VSIR: variants seen among roughly 807,000 people sequenced by gnomAD.
VSIR encodes V-type immunoglobulin domain-containing suppressor of T-cell activation.
A neutral mutation model predicts 31.0 loss-of-function variants in VSIR; 10 were observed. The observed-to-expected ratio is 0.32, with a 90% confidence interval of 0.20 to 0.55. The LOEUF (loss-of-function observed/expected upper bound fraction) is 0.55, where lower values mean the gene tolerates loss of function less well. Ranked by LOEUF, VSIR falls within the 20% of genes least tolerant of loss-of-function variation. The pLI is 0.93. For missense variants in VSIR, 356 were observed against 416.2 expected (o/e 0.86, Z 1.26); for synonymous variants, 179 against 180.1 (o/e 0.99, Z 0.05).
chr10:71,762,524 C>T (rs1370888831), intron 1 of VSIR, among the ~76,000 whole-genome samples: 3 of 152,254 alleles, frequency 2.0e-5, no homozygotes, highest in Admixed American at 2.0e-4. Flanking sequence ...GGTGCTGCAT[C>T]TCACCTGCAT....
chr10:71,753,478 T>G (rs1399519376), intron 4 of VSIR, among the ~76,000 whole-genome samples: 1 of 152,232 alleles, frequency 6.6e-6, no homozygotes, highest in African/African-American at 2.4e-5. Flanking sequence ...AGAGGGCTCC[T>G]GGTCCTCTCT....
At chr10:71,763,132 T>A (rs920107039) in intron 1 of VSIR, among the ~76,000 whole-genome samples, 3 of 152,188 alleles carry the variant, frequency 2.0e-5, no homozygotes, top group African/African-American at 7.2e-5. Flanking sequence ...TCTGCAGACA[T>A]CTGAGGGATA....
chr10:71,751,251 G>C lies in VSIR; in HGVS notation c.*2C>G, dbSNP rs1477436185. The C allele has an allele frequency of 6.2e-7, 1 of 1,608,488 alleles. No individual in the cohort carries two copies. Among genetic ancestry groups the C allele is most frequent in the Non-Finnish European group, 8.5e-7 (1 of 1,177,128 alleles). On this transcript the variant is annotated 3_prime_UTR_variant, in exon 7 of 7. Transcript: ENST00000394957. This position sits in a 1 kb window ranked among gnomAD's most constrained non-coding sequence, Gnocchi z 4.9. ...ACAACAGCCCACTGTCCCCCAGCTGGGCTAGATGACCTCAAAGTTTGGAGA... is the reference window on the plus strand; with the variant it reads ...ACAACAGCCCACTGTCCCCCAGCTGCGCTAGATGACCTCAAAGTTTGGAGA...
In VSIR at chr10:71,751,011, G is replaced by C; in HGVS notation, c.*242C>G. 2.1e-6 allele frequency: 1 copy of C among 468,452 alleles called. No individual in the cohort carries two copies. Among genetic ancestry groups the C allele is most frequent in the Admixed American group, 3.9e-5 (1 of 25,618 alleles). The allele number at this position is 468,452 out of a possible 1,614,324, so 29.0% of individuals were successfully genotyped here. ...TGGCATCTGTAGCTGGTGAATTTCA[G>C]GTCTCTAGGGGAGAATCTCAGCACC... On this transcript the variant is annotated 3_prime_UTR_variant, in exon 7 of 7. Transcript: ENST00000394957. This position sits in a 1 kb window ranked among gnomAD's most constrained non-coding sequence, Gnocchi z 4.9.
At chr10:71,758,764 ACACCTGTAATCCCAG>A (rs1840213106) in intron 3 of VSIR, among the ~76,000 whole-genome samples, 1 of 152,170 alleles carries the variant, frequency 6.6e-6, no homozygotes, top group Admixed American at 6.5e-5. Flanking sequence ...ATGGTGGCTC[ACACCTGTAATCCCAG>A]CACTTTGGAG....
chr10:71,751,732 C>A lies in VSIR; in HGVS notation c.834G>T (p.Leu278=). ...ACAGGGGGGTGCTGGGCTCCGAAAG[C>A]AGATGCCGCCCAGACTCAGAAGGCT... ...QRQPSESGRH[L]LSEPSTPLSP... Residue 278 remains leucine (L), a synonymous_variant, in exon 6 of 7, where the codon CTG becomes CTT. Coordinates refer to ENST00000394957, the MANE Select transcript of VSIR (RefSeq NM_022153.2). This position sits in a 1 kb window ranked among gnomAD's most constrained non-coding sequence, Gnocchi z 4.9. The A allele has an allele frequency of 6.3e-7, 1 of 1,588,492 alleles. No homozygotes were observed. Among genetic ancestry groups the A allele is most frequent in the Non-Finnish European group, 8.6e-7 (1 of 1,168,578 alleles).
In VSIR at chr10:71,751,970, C is replaced by A; in HGVS notation, c.705-109G>T. 8.4e-7 allele frequency: 1 copy of A among 1,196,934 alleles called. No homozygotes were observed. The highest frequency in any genetic ancestry group is 1.2e-6 in the Non-Finnish European group (1 of 837,280). 74.1% of individuals were successfully genotyped at this position (1,196,934 alleles called of 1,614,324 possible). ...CCTTTCTCTCACCTACATCCCCATCCCCAAGCCTCAGCAGCATCTCCAAGC... is the reference window on the plus strand; with the variant it reads ...CCTTTCTCTCACCTACATCCCCATCACCAAGCCTCAGCAGCATCTCCAAGC... On this transcript the variant is annotated intron_variant, in intron 5 of 6. Transcript: ENST00000394957. The surrounding 1 kb of genome is among the most constrained non-coding windows in gnomAD (Gnocchi z 4.9).
chr10:71,767,935 G>A (rs1435041994), intron 1 of VSIR, among the ~76,000 whole-genome samples: 1 of 152,156 alleles, frequency 6.6e-6, no homozygotes, highest in Non-Finnish European at 1.5e-5. Context: ...GGCCTAGGCA[G>A]CTGGCCAGAG....
intron 1 of VSIR, among the ~76,000 whole-genome samples, chr10:71,765,668 A>G (rs1165438776): frequency 6.6e-6 from 1 of 152,150 alleles, no homozygotes; most frequent in Admixed American, 6.5e-5. Context: ...TCAGAGAGAA[A>G]GCAGAGTTCA....
chr10:71,772,738 T>A lies in VSIR; in HGVS notation c.82+620A>T, dbSNP rs371690093. ...CCACACTGGTCCCTGAGTGGCAGCC[T>A]TGCTAGGATGGCAGGAATCAGCTGA... is the stretch of plus-strand genomic sequence containing the variant. On this transcript the variant is annotated intron_variant, in intron 1 of 6. Transcript: ENST00000394957. 1.1e-3 allele frequency among the ~76,000 whole-genome samples: 169 copies of A among 152,316 alleles called. No individual in the cohort carries two copies. The South Asian group carries it at 0.018, about 16-fold the overall frequency.
intron 1 of VSIR, among the ~76,000 whole-genome samples, chr10:71,767,220 G>A (rs74145648): frequency 0.04 from 6,077 of 152,308 alleles, 290 homozygotes; most frequent in African/African-American, 0.1. Flanking sequence ...AGCAGGCCCC[G>A]GGTGACCCCT....
Position 71,752,871 on chromosome 10 carries a change from C to T in VSIR, c.704+104G>A, listed in dbSNP as rs529157564. ...CAGCAGATGGCAGAGGCTCTTCTGA[C>T]CAGCTGCTCTAGGCAGCTAAACAGG... On this transcript the variant is annotated intron_variant, in intron 5 of 6. Coordinates refer to ENST00000394957, the MANE Select transcript of VSIR (RefSeq NM_022153.2). The T allele has an allele frequency of 3.7e-6, 5 of 1,357,960 alleles. No individual in the cohort carries two copies. The Admixed American group carries it at 7.0e-5, about 19-fold the overall frequency. The allele number at this position is 1,357,960 out of a possible 1,614,324, so 84.1% of individuals were successfully genotyped here.
In VSIR at chr10:71,755,301, G is replaced by A. The variant is rs1427157736; in HGVS notation, c.676+58C>T. On this transcript the variant is annotated intron_variant, in intron 4 of 6. Transcript: ENST00000394957. ...TTTGCGAATCCCAGGGGCTGAACTGGGGGCTGGAGCAGGTCACTCGCACCG... is the reference window on the plus strand; with the variant it reads ...TTTGCGAATCCCAGGGGCTGAACTGAGGGCTGGAGCAGGTCACTCGCACCG... 5 of 1,464,172 alleles carry A rather than the reference G, an allele frequency of 3.4e-6. No individual in the cohort carries two copies. In the South Asian group the frequency reaches 3.6e-5, roughly 11 times the overall value. 90.7% of individuals were successfully genotyped at this position (1,464,172 alleles called of 1,614,324 possible). A position where few individuals can be genotyped will look rare whatever the true frequency, so the allele number is the denominator to read the frequency against.
chr10:71,770,236 T>G (rs1217769036), intron 1 of VSIR, among the ~76,000 whole-genome samples: 1 of 152,188 alleles, frequency 6.6e-6, no homozygotes, highest in East Asian at 1.9e-4. Context: ...AGGAGCCGGG[T>G]GCTGTGTTAA....
chr10:71,751,970 C>T lies in VSIR; in HGVS notation c.705-109G>A. ...CCTTTCTCTCACCTACATCCCCATC[C>T]CCAAGCCTCAGCAGCATCTCCAAGC... On this transcript the variant is annotated intron_variant, in intron 5 of 6. Coordinates refer to ENST00000394957, the MANE Select transcript of VSIR (RefSeq NM_022153.2). The surrounding 1 kb of genome is among the most constrained non-coding windows in gnomAD (Gnocchi z 4.9). 8.4e-7 allele frequency: 1 copy of T among 1,196,934 alleles called. No individual in the cohort carries two copies. Among genetic ancestry groups the T allele is most frequent in the Non-Finnish European group, 1.2e-6 (1 of 837,280 alleles). The allele number at this position is 1,196,934 out of a possible 1,614,324, so 74.1% of individuals were successfully genotyped here.
At chr10:71,772,150 C>A (rs1840700134) in intron 1 of VSIR, among the ~76,000 whole-genome samples, 1 of 152,218 alleles carries the variant, frequency 6.6e-6, no homozygotes, top group African/African-American at 2.4e-5. Flanking sequence ...CTTAGGGCAG[C>A]TGTGTCTGTG....
chr10:71,755,083 G>A (rs965573061), intron 4 of VSIR: 10 of 596,134 alleles, frequency 1.7e-5, no homozygotes, highest in Non-Finnish European at 2.8e-5. Flanking sequence ...TTGAGCTACT[G>A]CATATGATCA....
intron 5 of VSIR, chr10:71,752,122 C>G: frequency 1.6e-6 from 1 of 632,030 alleles, no homozygotes; most frequent in Non-Finnish European, 2.9e-6. Context: ...ACCATCAACC[C>G]CGGGCACAGC....
intron 1 of VSIR, among the ~76,000 whole-genome samples, chr10:71,763,760 C>T (rs2132894587): frequency 6.6e-6 from 1 of 152,306 alleles, no homozygotes; most frequent in South Asian, 2.1e-4. Context: ...GCGCTTGGTA[C>T]TTGGGAGCTA....
Sources: gnomAD v4.1 joint callset for allele counts (sites outside exome capture counted in the v4.1 genomes callset) on GRCh38, gnomAD v4.1.1 for gene constraint, Gnocchi (gnomAD v3.1) non-coding constraint, MANE v1.5 for transcripts, NCBI Gene and HGNC (gene_info 2026-07-23, HGNC 2026-07-21) for gene names.